SERPINA9: variants seen among roughly 807,000 people sequenced by gnomAD.
SERPINA9 encodes the protein serpin family A member 9.
Under a neutral mutation model 24.5 loss-of-function variants are expected in SERPINA9, and 32 were observed. The observed-to-expected ratio is 1.30, with a 90% CI of 0.98 to 1.75. The LOEUF is 1.75. Among genes scored for constraint, SERPINA9 ranks in the 40% most tolerant of loss-of-function variants. The probability of loss-of-function intolerance (pLI) is 0.00; values close to 1 mark genes in which losing one functional copy is unlikely to be tolerated. For synonymous variants in SERPINA9, 233 were observed against 197.7 expected (o/e 1.18, Z -1.50); for missense variants, 594 against 497.1 (o/e 1.19, Z -1.85).
intron 1 of SERPINA9, among the ~76,000 whole-genome samples, chr14:94,470,621 C>T (rs1374903353): frequency 1.3e-5 from 2 of 152,258 alleles, no homozygotes; most frequent in South Asian, 2.1e-4. Flanking sequence ...CTGGACTTCT[C>T]TGTTTTGCCT....
chr14:94,475,565 T>G (rs1899568946), intron 1 of SERPINA9, among the ~76,000 whole-genome samples: 1 of 152,162 alleles, frequency 6.6e-6, no homozygotes, highest in East Asian at 1.9e-4. Flanking sequence ...CTATCCCTAC[T>G]TTCCCAGTCG....
At chr14:94,474,709 G>C (rs1266940044) in intron 1 of SERPINA9, among the ~76,000 whole-genome samples, 3 of 152,024 alleles carry the variant, frequency 2.0e-5, no homozygotes, top group African/African-American at 7.3e-5. Context: ...TTCGGCCAGG[G>C]GGCACTGCTC....
chr14:94,475,669 A>G (rs1019528079), intron 1 of SERPINA9, among the ~76,000 whole-genome samples: 10 of 152,082 alleles, frequency 6.6e-5, no homozygotes, highest in African/African-American at 2.4e-4. Context: ...CTTAGAAAGT[A>G]TCTCTTCTCT....
At chr14:94,472,410 G>A (rs1899366490) in intron 1 of SERPINA9, among the ~76,000 whole-genome samples, 1 of 152,110 alleles carries the variant, frequency 6.6e-6, no homozygotes, top group South Asian at 2.1e-4. Flanking sequence ...CTCCTGTTGT[G>A]ACTTCATCAC....
chr14:94,467,543 G>T (rs891932611), intron 2 of SERPINA9, among the ~76,000 whole-genome samples, 161 bp from the exon 3 acceptor site: 3 of 152,180 alleles, frequency 2.0e-5, no homozygotes, highest in Non-Finnish European at 2.9e-5. Flanking sequence ...GCCCAAACTT[G>T]TGAATATACT....
Position 94,463,089 on chromosome 14 carries a change from C to T in SERPINA9, c.*4G>A. ...GTGCCATCAGTTAACAGGCCATTTC[C>T]CACCTAGGATTTAGTGGGATTTTCC... On this transcript the variant is annotated 3_prime_UTR_variant, in exon 5 of 5. Transcript: ENST00000674397. The T allele has an allele frequency of 6.2e-7, 1 of 1,611,262 alleles. No homozygotes were observed. The highest frequency in any genetic ancestry group is 8.5e-7 in the Non-Finnish European group (1 of 1,177,386).
rs1347020743 is a variant in SERPINA9, at chr14:94,469,835, T to A, written c.6A>T (p.Ala2=). ...CAAAGAGTACTCCATAAAGGTAAGA[T>A]GCCATTTTGGAACAAAATATGTCTG... M[A]SYLYGVLFAV... The change falls in exon 2 of 5, where the codon GCA becomes GCT. Residue 2 remains alanine (A), a synonymous_variant. Transcript: ENST00000674397. The A allele has an allele frequency of 1.5e-5, 23 of 1,509,642 alleles. No homozygotes were observed. Among genetic ancestry groups the A allele is most frequent in the Non-Finnish European group, 2.0e-5 (23 of 1,129,652 alleles). The allele number at this position is 1,509,642 out of a possible 1,614,324, so 93.5% of individuals were successfully genotyped here.
In SERPINA9 at chr14:94,467,300, G is replaced by A. The variant is rs1332429263; in HGVS notation, c.711C>T (p.Val237=). 3.1e-6 allele frequency: 5 copies of A among 1,614,072 alleles called. No individual in the cohort carries two copies. Among genetic ancestry groups the A allele is most frequent in the Middle Eastern group, 1.6e-4 (1 of 6,062 alleles). The change falls in exon 3 of 5, where the codon GTC becomes GTT. Residue 237 remains valine (V), a synonymous_variant. Coordinates refer to ENST00000674397, the MANE Select transcript of SERPINA9 (RefSeq NM_175739.4). The part of the protein sequence containing the change: ...FLVGEQVTVH[V]PMMHQKEQFA... ...ACTGCTCTTTCTGGTGCATCATGGG[G>A]ACATGCACAGTGACCTGCTCGCCCA...
intron 2 of SERPINA9, among the ~76,000 whole-genome samples, chr14:94,468,544 G>A (rs1032176247): frequency 6.6e-6 from 1 of 152,176 alleles, no homozygotes; most frequent in Non-Finnish European, 1.5e-5. Flanking sequence ...CACAGGTCAG[G>A]CACTCAACAC....
At position 94,462,998 on chromosome 14, in the gene SERPINA9, TG is replaced by T; in HGVS notation, c.*94del. 9.1e-7 allele frequency: 1 copy of T among 1,099,472 alleles called. No homozygotes were observed. Among genetic ancestry groups the T allele is most frequent in the Non-Finnish European group, 1.4e-6 (1 of 724,114 alleles). 68.1% of individuals were successfully genotyped at this position (1,099,472 alleles called of 1,614,324 possible). A position where few individuals can be genotyped will look rare whatever the true frequency, so the allele number is the denominator to read the frequency against. ...TCCCTGCCAGCGAATCCAGCTCCAC[TG>T]GGGTCAAATGCACCCTCAGAACAGA... On this transcript the variant is annotated 3_prime_UTR_variant, in exon 5 of 5. Transcript: ENST00000674397.
At chr14:94,472,175 G>A (rs926638845) in intron 1 of SERPINA9, among the ~76,000 whole-genome samples, 2 of 152,148 alleles carry the variant, frequency 1.3e-5, no homozygotes, top group Admixed American at 1.3e-4. Flanking sequence ...GCTGGCCAGT[G>A]AATTTATCTG....
In SERPINA9 at chr14:94,463,296, C is replaced by T. The variant is rs1430262318; in HGVS notation, c.1051G>A (p.Ala351Thr). 6.2e-7 allele frequency: 1 copy of T among 1,613,746 alleles called. No homozygotes were observed. The highest frequency in any genetic ancestry group is 2.2e-5 in the East Asian group (1 of 44,870). Reference sequence around the variant, plus strand: ...ACATCCAGCACAGCCTTGTGGGTTGCCTGCCAAGGGAAAAACAAACATCAG... The same window carrying T: ...ACATCCAGCACAGCCTTGTGGGTTGTCTGCCAAGGGAAAAACAAACATCAG... ...AKRDSLQVSK[A>T]THKAVLDVSE... The change falls in exon 5 of 5, where the codon GCA becomes ACA. Residue 351 changes from alanine to threonine, a missense_variant and splice_region_variant. Ala to Thr is a moderately conservative substitution (Grantham distance 58, BLOSUM62 0). Coordinates refer to ENST00000674397, the MANE Select transcript of SERPINA9 (RefSeq NM_175739.4).
At chr14:94,465,983 C>T (rs1438589184) in intron 3 of SERPINA9, among the ~76,000 whole-genome samples, 4 of 152,216 alleles carry the variant, frequency 2.6e-5, no homozygotes, top group Non-Finnish European at 5.9e-5. Flanking sequence ...TTTCAGTCCT[C>T]ATCTGACAGG....
chr14:94,474,771 C>T (rs1038049605), intron 1 of SERPINA9, among the ~76,000 whole-genome samples: 20 of 152,196 alleles, frequency 1.3e-4, no homozygotes, highest in African/African-American at 4.8e-4. Context: ...TCTTCTGGAC[C>T]TCTCCCTCCC....
At chr14:94,464,134 C>T (rs1387263153) in intron 4 of SERPINA9, among the ~76,000 whole-genome samples, 3 of 152,186 alleles carry the variant, frequency 2.0e-5, no homozygotes, top group African/African-American at 7.2e-5. Flanking sequence ...AAGGGGCACT[C>T]ATAGCTCAGC....
intron 1 of SERPINA9, among the ~76,000 whole-genome samples, chr14:94,475,528 A>G (rs568007419): frequency 2.0e-5 from 3 of 152,124 alleles, no homozygotes; most frequent in East Asian, 1.9e-4. Context: ...AATTGTCTCA[A>G]CTTCCCTCAA....
chr14:94,465,347 A>G (rs570554128), intron 3 of SERPINA9, among the ~76,000 whole-genome samples: 4 of 152,340 alleles, frequency 2.6e-5, no homozygotes, highest in Admixed American at 2.6e-4. Context: ...CAACTTAAAC[A>G]GTGGCTTGTG....
intron 1 of SERPINA9, among the ~76,000 whole-genome samples, chr14:94,475,283 C>T (rs1899534356): frequency 6.6e-6 from 1 of 152,164 alleles, no homozygotes; most frequent in Admixed American, 6.5e-5. Flanking sequence ...CACCCGGCAA[C>T]ATGTAACTCA....
At chr14:94,467,990 T>G (rs1335238905) in intron 2 of SERPINA9, among the ~76,000 whole-genome samples, 1 of 151,178 alleles carries the variant, frequency 6.6e-6, no homozygotes, top group Non-Finnish European at 1.5e-5. Flanking sequence ...GATAGTTTGC[T>G]GGATGGGTAG....
Sources: allele counts gnomAD v4.1 joint callset (sites outside exome capture counted in the v4.1 genomes callset), GRCh38; gene constraint gnomAD v4.1.1; transcripts MANE v1.5; gene names NCBI Gene and HGNC (gene_info 2026-07-23, HGNC 2026-07-21).